NCAM2: variants seen among roughly 807,000 people sequenced by gnomAD.
The protein encoded by NCAM2 is N-CAM-2.
NCAM2 carries 30 observed loss-of-function variants against 98.1 expected under a neutral mutation model. That is an observed-to-expected ratio of 0.31 (90% CI 0.23 to 0.41). The LOEUF (loss-of-function observed/expected upper bound fraction) is 0.41, where lower values mean the gene tolerates loss of function less well. Ranked by LOEUF, NCAM2 falls within the 10% of genes least tolerant of loss-of-function variation. NCAM2 has a pLI of 1.00. For missense variants in NCAM2, 867 were observed against 1,005.8 expected (o/e 0.86, Z 1.87); for synonymous variants, 368 against 342.4 (o/e 1.07, Z -0.83).
At chr21:21,294,461 A>G (rs2073404518) in intron 5 of NCAM2, among the ~76,000 whole-genome samples, 1 of 151,828 alleles carries the variant, frequency 6.6e-6, no homozygotes, top group African/African-American at 2.4e-5. Flanking sequence ...CCCAAAAGTA[A>G]ATTCTTCTCC....
intron 1 of NCAM2, among the ~76,000 whole-genome samples, chr21:21,124,995 G>A (rs1460925367): frequency 6.6e-6 from 1 of 152,052 alleles, no homozygotes; most frequent in Non-Finnish European, 1.5e-5. Flanking sequence ...AGAAATATAA[G>A]CTAAATTAAA....
Position 21,530,300 on chromosome 21 carries a change from A to T in NCAM2, c.2283-4237A>T, listed in dbSNP as rs367919434. Among the ~76,000 whole-genome samples, 81 of 27,742 alleles carry T rather than the reference A, an allele frequency of 2.9e-3. 12 individuals are homozygous for T. Among genetic ancestry groups the T allele is most frequent in the Admixed American group, 6.3e-3 (12 of 1,918 alleles). 18.2% of individuals were successfully genotyped at this position (27,742 alleles called of 152,430 possible). A position where few individuals can be genotyped will look rare whatever the true frequency, so the allele number is the denominator to read the frequency against. ...TAATTTAATTTAATTATATATAATTAAATTAAATTATATATAATTAAATTA... is the reference window on the plus strand; with the variant it reads ...TAATTTAATTTAATTATATATAATTTAATTAAATTATATATAATTAAATTA... On this transcript the variant is annotated intron_variant, in intron 16 of 17. Transcript: ENST00000400546.
At chr21:21,424,473 G>A (rs765092377) in intron 11 of NCAM2, among the ~76,000 whole-genome samples, 4 of 152,146 alleles carry the variant, frequency 2.6e-5, no homozygotes, top group Non-Finnish European at 5.9e-5. Flanking sequence ...TCTGATTGGA[G>A]TTCTTGGAAA....
chr21:21,236,754 A>C (rs957021487), intron 1 of NCAM2, among the ~76,000 whole-genome samples: 1 of 40,896 alleles, frequency 2.4e-5, no homozygotes, highest in Non-Finnish European at 5.2e-5. Flanking sequence ...AAATCAGTAC[A>C]TATGTGTGTG....
In NCAM2 at chr21:21,250,880, T is replaced by C. The variant is rs150739570; in HGVS notation, c.56-29698T>C. On this transcript the variant is annotated intron_variant, in intron 1 of 17. Transcript: ENST00000400546. ...TCTTTCTGGTCCACTTGTATTTTAT[T>C]CATGGAAAACAGTTTTGATCAGAGA... 5.4e-3 allele frequency among the ~76,000 whole-genome samples: 821 copies of C among 152,318 alleles called. 7 individuals are homozygous for C. The highest frequency in any genetic ancestry group is 0.019 in the African/African-American group (778 of 41,574).
At chr21:21,298,588 C>CAGATAGATAGAT (rs58405004) in intron 5 of NCAM2, among the ~76,000 whole-genome samples, 119 of 147,648 alleles carry the variant, frequency 8.1e-4, no homozygotes, top group African/African-American at 2.2e-3. Flanking sequence ...ATGATAGATA[C>CAGATAGATAGAT]AGATAGATAG....
chr21:21,468,966 G>T (rs1432076207), intron 14 of NCAM2, among the ~76,000 whole-genome samples, 183 bp downstream of exon 14: 2 of 151,750 alleles, frequency 1.3e-5, no homozygotes, highest in Non-Finnish European at 2.9e-5. Flanking sequence ...TAAAATCTAA[G>T]CATGGATCAT....
At chr21:21,351,714 C>A (rs567699375) in intron 8 of NCAM2, among the ~76,000 whole-genome samples, 82 of 152,038 alleles carry the variant, frequency 5.4e-4, no homozygotes, top group Admixed American at 2.0e-3. Flanking sequence ...ATAAACATCT[C>A]TCATCTATTT....
chr21:21,226,366 G>A (rs2070383753), intron 1 of NCAM2, among the ~76,000 whole-genome samples: 1 of 151,754 alleles, frequency 6.6e-6, no homozygotes, highest in Non-Finnish European at 1.5e-5. Context: ...CAACATAAAG[G>A]GAAACAGAAA....
chr21:21,411,269 A>T (rs1239622203), intron 10 of NCAM2, among the ~76,000 whole-genome samples: 1 of 146,246 alleles, frequency 6.8e-6, no homozygotes, highest in African/African-American at 2.5e-5. Flanking sequence ...GTAATGTAAT[A>T]GTTATTGAGG....
intron 1 of NCAM2, among the ~76,000 whole-genome samples, chr21:21,264,990 G>GTGTGTATATATATACACATATATATTATA (rs1568855093): frequency 1.2e-5 from 1 of 81,758 alleles, no homozygotes; most frequent in African/African-American, 4.6e-5. Context: ...TTATATATGT[G>GTGTGTATATATATACACATATATATTATA]TATGTGTATA....
intron 8 of NCAM2, among the ~76,000 whole-genome samples, chr21:21,355,533 G>A (rs1323291619): frequency 6.7e-6 from 1 of 148,272 alleles, no homozygotes; most frequent in African/African-American, 2.5e-5. Context: ...GAGGAGGGAG[G>A]GAGGGAGAGA....
At chr21:21,022,218 C>G (rs964073833) in intron 1 of NCAM2, among the ~76,000 whole-genome samples, 1 of 151,892 alleles carries the variant, frequency 6.6e-6, no homozygotes, top group Admixed American at 6.6e-5. Flanking sequence ...TAAAAAAATA[C>G]ATACTTAAAA....
intron 1 of NCAM2, among the ~76,000 whole-genome samples, chr21:21,167,124 G>A (rs2067977339): frequency 6.6e-6 from 1 of 151,820 alleles, no homozygotes; most frequent in Non-Finnish European, 1.5e-5. Context: ...GTTGTGTTTT[G>A]GGGGTGATCT....
chr21:21,031,809 TAC>T (rs67929765), intron 1 of NCAM2, among the ~76,000 whole-genome samples: 92,672 of 151,164 alleles, frequency 0.61, 28,764 homozygotes, highest in South Asian at 0.73. Flanking sequence ...CACACTCTTA[TAC>T]ACACACACAC....
intron 8 of NCAM2, among the ~76,000 whole-genome samples, chr21:21,367,799 A>G (rs2148023417): frequency 6.6e-6 from 1 of 151,642 alleles, no homozygotes; most frequent in Admixed American, 6.6e-5. Flanking sequence ...GGTACCACTA[A>G]GTAAAGTAGT....
intron 1 of NCAM2, among the ~76,000 whole-genome samples, chr21:21,123,205 C>T (rs1023641865): frequency 5.9e-5 from 9 of 152,078 alleles, no homozygotes; most frequent in Non-Finnish European, 1.2e-4. Context: ...ACCATCCTGG[C>T]TGACACGGTG....
chr21:21,014,065 G>A (rs184348018), intron 1 of NCAM2, among the ~76,000 whole-genome samples: 74 of 152,266 alleles, frequency 4.9e-4, no homozygotes, highest in African/African-American at 1.6e-3. Flanking sequence ...CAAAGGACAG[G>A]CTGGCTTTCT....
chr21:21,147,802 AATAT>A (rs35875368), intron 1 of NCAM2, among the ~76,000 whole-genome samples: 4 of 148,684 alleles, frequency 2.7e-5, no homozygotes, highest in South Asian at 2.1e-4. Flanking sequence ...AAATTTATTG[AATAT>A]ATATATCTGT....
Sources: allele counts gnomAD v4.1 joint callset (sites outside exome capture counted in the v4.1 genomes callset), GRCh38; gene constraint gnomAD v4.1.1; transcripts MANE v1.5; gene names NCBI Gene and HGNC (gene_info 2026-07-23, HGNC 2026-07-21).